Variants in PHYHIPL observed in about 807,000 individuals in gnomAD.
PHYHIPL encodes phytanoyl-CoA 2-hydroxylase interacting protein like.
Under a neutral mutation model 33.4 loss-of-function variants are expected in PHYHIPL, and 9 were observed. The ratio of observed to expected loss-of-function variants is 0.27; its 90% CI spans 0.16 to 0.47. PHYHIPL has a LOEUF of 0.47. PHYHIPL is among the 20% of genes least tolerant of loss of function. The probability of loss-of-function intolerance (pLI) is 0.99; values close to 1 mark genes in which losing one functional copy is unlikely to be tolerated. For missense variants in PHYHIPL, 365 were observed against 460.7 expected (o/e 0.79, Z 1.90); for synonymous variants, 153 against 154.1 (o/e 0.99, Z 0.05).
At chr10:59,214,684 TGAATTA>T (rs1395183281) in intron 1 of PHYHIPL, among the ~76,000 whole-genome samples, 2 of 152,066 alleles carry the variant, frequency 1.3e-5, no homozygotes, top group African/African-American at 4.8e-5. Flanking sequence ...GTACTGAATT[TGAATTA>T]GAAGTATTGG....
intron 1 of PHYHIPL, among the ~76,000 whole-genome samples, chr10:59,187,586 A>G (rs886329308): frequency 5.3e-5 from 8 of 152,162 alleles, no homozygotes; most frequent in African/African-American, 9.7e-5. Flanking sequence ...CTGCGAATCC[A>G]TCTGGTCCTG....
intron 1 of PHYHIPL, among the ~76,000 whole-genome samples, chr10:59,230,836 A>C (rs1396169955): frequency 1.3e-5 from 2 of 152,150 alleles, no homozygotes; most frequent in African/African-American, 4.8e-5. Flanking sequence ...GGGGGCTTCC[A>C]GATCATAGGT....
intron 1 of PHYHIPL, among the ~76,000 whole-genome samples, chr10:59,213,766 A>C (rs987028707): frequency 6.6e-6 from 1 of 152,194 alleles, no homozygotes; most frequent in African/African-American, 2.4e-5. Flanking sequence ...TTAAACAAAA[A>C]ACAAAAAACA....
intron 1 of PHYHIPL, chr10:59,219,194 T>C (rs1837289700): frequency 5.7e-6 from 5 of 871,330 alleles, no homozygotes; most frequent in South Asian, 5.3e-5. Context: ...TTGTCCTGCA[T>C]ATATTCATAA....
intron 1 of PHYHIPL, chr10:59,177,546 G>T: frequency 6.4e-7 from 1 of 1,551,688 alleles, no homozygotes. Context: ...AATCTTCATG[G>T]TTCCTGGGCT....
intron 1 of PHYHIPL, among the ~76,000 whole-genome samples, chr10:59,191,479 A>T (rs1717803715): frequency 6.6e-6 from 1 of 152,004 alleles, no homozygotes. Flanking sequence ...CAGTAACTTC[A>T]GTCACTGTAT....
chr10:59,177,028 C>T (rs1838270027), intron 1 of PHYHIPL, 69 bp downstream of exon 1: 2 of 1,346,908 alleles, frequency 1.5e-6, no homozygotes, highest in Admixed American at 1.9e-5. Context: ...ACTCTGGCTC[C>T]GCCGACGCCG....
chr10:59,191,622 A>G (rs982545365), intron 1 of PHYHIPL, among the ~76,000 whole-genome samples: 1 of 152,024 alleles, frequency 6.6e-6, no homozygotes, highest in Non-Finnish European at 1.5e-5. Flanking sequence ...GACTATCATT[A>G]TATTTTAGCC....
chr10:59,210,055 C>A (rs185311930), intron 1 of PHYHIPL, among the ~76,000 whole-genome samples: 5 of 152,186 alleles, frequency 3.3e-5, no homozygotes, highest in Admixed American at 3.3e-4. Flanking sequence ...AAAGCAATGG[C>A]AACAAAAGCC....
intron 1 of PHYHIPL, chr10:59,221,712 A>T: frequency 1.0e-6 from 1 of 983,294 alleles, no homozygotes. Context: ...CACCACAGAG[A>T]TAAACAAGTT....
At chr10:59,237,306 TTTA>T (rs1840255360) in intron 3 of PHYHIPL, among the ~76,000 whole-genome samples, 1 of 152,004 alleles carries the variant, frequency 6.6e-6, no homozygotes, top group Non-Finnish European at 1.5e-5. Context: ...CACTCATATA[TTTA>T]TTGTTTACTT....
intron 1 of PHYHIPL, among the ~76,000 whole-genome samples, chr10:59,223,769 C>G (rs1237336074): frequency 6.6e-6 from 1 of 152,020 alleles, no homozygotes; most frequent in Non-Finnish European, 1.5e-5. Flanking sequence ...AGGTGATCCT[C>G]CCACCTCAGC....
intron 1 of PHYHIPL, among the ~76,000 whole-genome samples, chr10:59,194,911 G>C (rs549500737): frequency 7.2e-5 from 11 of 152,242 alleles, no homozygotes; most frequent in African/African-American, 2.6e-4. Context: ...ATTTACCTGT[G>C]AGTGTAGAAA....
intron 1 of PHYHIPL, among the ~76,000 whole-genome samples, chr10:59,188,349 G>A (rs76289459): frequency 2.0e-5 from 3 of 152,122 alleles, no homozygotes; most frequent in African/African-American, 7.2e-5. Flanking sequence ...TATAATTTCT[G>A]TTCTTTTACA....
chr10:59,177,586 A>G (rs1291473067), intron 1 of PHYHIPL: 1 of 1,551,668 alleles, frequency 6.4e-7, no homozygotes, highest in South Asian at 1.2e-5. Flanking sequence ...ATATTGGCCT[A>G]ATATATGTGC....
chr10:59,228,322 A>T (rs970516336), intron 1 of PHYHIPL, among the ~76,000 whole-genome samples: 3 of 152,182 alleles, frequency 2.0e-5, no homozygotes, highest in Non-Finnish European at 4.4e-5. Context: ...AATGTTATTA[A>T]TAAAGTGATA....
chr10:59,222,542 C>T (rs996081529), intron 1 of PHYHIPL, among the ~76,000 whole-genome samples: 1 of 151,546 alleles, frequency 6.6e-6, no homozygotes, highest in Admixed American at 6.6e-5. Flanking sequence ...TTAAAAGAAA[C>T]AACAAAACAA....
rs1188092753 is a variant in PHYHIPL at position 59,236,604 on chromosome 10, A to G, written c.425A>G (p.Asp142Gly). 6.2e-7 allele frequency: 1 copy of G among 1,610,816 alleles called. No individual in the cohort carries two copies. The highest frequency in any genetic ancestry group is 1.7e-5 in the Admixed American group (1 of 59,692). ...GTGCAGACTGCCTCAAAACAAGTTG[A>G]TGGTGATTATGTTGTGTCTGAATGG... ...VAVQTASKQV[D>G]GDYVVSEWSE... The change falls in exon 3 of 5, where the codon GAT becomes GGT. Residue 142 changes from aspartate (D) to glycine (G), a missense_variant. Physicochemically the swap from Asp to Gly is moderately conservative, Grantham distance 94. Coordinates refer to ENST00000373880, the MANE Select transcript of PHYHIPL (RefSeq NM_032439.4).
At chr10:59,187,026 A>G (rs1838627250) in intron 1 of PHYHIPL, among the ~76,000 whole-genome samples, 1 of 152,196 alleles carries the variant, frequency 6.6e-6, no homozygotes, top group Non-Finnish European at 1.5e-5. Flanking sequence ...GAGAGAGGGC[A>G]TCCCTGTCTT....
Sources: gnomAD v4.1 joint callset for allele counts (sites outside exome capture counted in the v4.1 genomes callset) on GRCh38, gnomAD v4.1.1 for gene constraint, MANE v1.5 for transcripts, NCBI Gene and HGNC (gene_info 2026-07-23, HGNC 2026-07-21) for gene names.